Variants in CASP4 observed in about 807,000 individuals in gnomAD.
CASP4 encodes the protein caspase 4.
A neutral mutation model predicts 41.3 loss-of-function variants in CASP4; 29 were observed. The ratio of observed to expected loss-of-function variants is 0.70; its 90% CI spans 0.52 to 0.96. CASP4 has a LOEUF of 0.96. Among genes scored for constraint, CASP4 ranks in the 40% least tolerant of loss-of-function variants. CASP4 has a pLI of 0.00. For synonymous variants in CASP4, 185 were observed against 158.4 expected (o/e 1.17, Z -1.26); for missense variants, 447 against 460.6 (o/e 0.97, Z 0.27).
chr11:104,955,542 T>A (rs958281432), intron 1 of CASP4, among the ~76,000 whole-genome samples: 7 of 147,672 alleles, frequency 4.7e-5, no homozygotes, highest in African/African-American at 1.7e-4. Flanking sequence ...TGTTTAAAAG[T>A]ACTTAATATG....
At chr11:104,953,606 G>A (rs1860666721) in intron 2 of CASP4, among the ~76,000 whole-genome samples, 1 of 152,132 alleles carries the variant, frequency 6.6e-6, no homozygotes, top group South Asian at 2.1e-4. Context: ...CCTGTTGGTA[G>A]GAACACCCCT....
intron 1 of CASP4, among the ~76,000 whole-genome samples, chr11:104,964,831 G>A (rs1860937474): frequency 6.6e-6 from 1 of 152,142 alleles, no homozygotes; most frequent in Admixed American, 6.5e-5. Flanking sequence ...GGCTGGGATT[G>A]GCTCTTAAAA....
intron 2 of CASP4, among the ~76,000 whole-genome samples, chr11:104,952,791 C>T (rs1860647203): frequency 6.6e-6 from 1 of 152,144 alleles, no homozygotes; most frequent in Admixed American, 6.6e-5. Flanking sequence ...TAAAGCCAGC[C>T]AGTCTGAGCT....
In CASP4 at chr11:104,948,647, A is replaced by C. The variant is rs1346602082; in HGVS notation, c.811T>G (p.Ser271Ala). 2 of 1,609,166 alleles carry C rather than the reference A, an allele frequency of 1.2e-6. No individual in the cohort carries two copies. Among genetic ancestry groups the C allele is most frequent in the South Asian group, 2.2e-5 (2 of 90,182 alleles). ...GAGGCCACTTCCAAGGATGCTGGAG[A>C]GTCTCTGACCCACAGTTCCCCACGG... ...ANRGELWVRD[S>A]PASLEVASSQ... Residue 271 changes from serine to alanine, a missense_variant, in exon 6 of 9, where the codon TCT becomes GCT. By Grantham distance (99) the Ser-to-Ala change is moderately conservative (BLOSUM62 1). Coordinates refer to ENST00000444739, the MANE Select transcript of CASP4 (RefSeq NM_001225.4).
chr11:104,958,699 G>A (rs909115248), intron 1 of CASP4, among the ~76,000 whole-genome samples: 1 of 152,068 alleles, frequency 6.6e-6, no homozygotes, highest in Non-Finnish European at 1.5e-5. Flanking sequence ...AGTGGCTCAC[G>A]ACTGTAATCC....
At chr11:104,949,881 C>T (rs554939996) in intron 4 of CASP4, 104 bp from the exon 5 acceptor site, 10 of 1,061,500 alleles carry the variant, frequency 9.4e-6, no homozygotes, top group African/African-American at 7.8e-5. Flanking sequence ...ACATCCAGGT[C>T]GTGGTGCTTC....
chr11:104,953,688 T>C (rs1318113062), intron 2 of CASP4, among the ~76,000 whole-genome samples: 1 of 152,160 alleles, frequency 6.6e-6, no homozygotes, highest in Non-Finnish European at 1.5e-5. Flanking sequence ...TATTTCCTTT[T>C]GTTTATCACT....
chr11:104,964,977 A>G (rs1860941245), intron 1 of CASP4, among the ~76,000 whole-genome samples: 3 of 152,226 alleles, frequency 2.0e-5, no homozygotes, highest in Non-Finnish European at 4.4e-5. Flanking sequence ...ACTAAAGCTT[A>G]TTTTGGTAAA....
At chr11:104,951,832 G>A (rs746044702) in intron 3 of CASP4, 64 bp downstream of exon 3, 1 of 1,031,814 alleles carries the variant, frequency 9.7e-7, no homozygotes, top group South Asian at 1.3e-5. Flanking sequence ...GTAAGAAATG[G>A]TGCACTGAAG....
intron 2 of CASP4, among the ~76,000 whole-genome samples, chr11:104,953,736 C>T (rs564694894): frequency 1.3e-5 from 2 of 152,210 alleles, no homozygotes; most frequent in African/African-American, 2.4e-5. Flanking sequence ...CTTCATGGCT[C>T]AAGATTTCAG....
chr11:104,946,443 A>C (rs1021249520), intron 7 of CASP4, among the ~76,000 whole-genome samples: 1 of 152,218 alleles, frequency 6.6e-6, no homozygotes, highest in African/African-American at 2.4e-5. Context: ...ACACATAAAT[A>C]AACTATTAAT....
chr11:104,968,007 C>T (rs550682533), intron 1 of CASP4, among the ~76,000 whole-genome samples: 67 of 151,690 alleles, frequency 4.4e-4, no homozygotes, highest in African/African-American at 1.5e-3. Flanking sequence ...TGATATTAAC[C>T]CATGAAATAT....
rs1461369527 is a variant in CASP4 at position 104,950,955 on chromosome 11, A to G, written c.516T>C (p.Ser172=). Reference sequence around the variant, plus strand: ...CTGTCAGATTCTCTTCTACATCTACACTATAGTCCAGACCCTCAAGTAGCT... The same window carrying G: ...CTGTCAGATTCTCTTCTACATCTACGCTATAGTCCAGACCCTCAAGTAGCT... ...MKELLEGLDY[S]VDVEENLTAR... Residue 172 remains serine (S), a synonymous_variant, in exon 4 of 9, where the codon AGT becomes AGC. Coordinates refer to ENST00000444739, the MANE Select transcript of CASP4 (RefSeq NM_001225.4). 8.7e-6 allele frequency: 14 copies of G among 1,612,962 alleles called. No homozygotes were observed. The East Asian group carries it at 1.1e-4, about 13-fold the overall frequency.
intron 2 of CASP4, among the ~76,000 whole-genome samples, chr11:104,952,643 A>G (rs1860644330): frequency 6.6e-6 from 1 of 152,214 alleles, no homozygotes; most frequent in Non-Finnish European, 1.5e-5. Flanking sequence ...ATAAATACAT[A>G]CATACACCAA....
At chr11:104,947,257 G>T in intron 6 of CASP4, 65 bp from the exon 7 acceptor site, 3 of 1,001,174 alleles carry the variant, frequency 3.0e-6, no homozygotes, top group Non-Finnish European at 4.4e-6. Flanking sequence ...TCATATTTTT[G>T]TTTTGAGAAT....
intron 8 of CASP4, chr11:104,944,434 A>G (rs541570175): frequency 1.8e-5 from 5 of 273,036 alleles, no homozygotes; most frequent in South Asian, 1.8e-4. Context: ...TGAGAGATAA[A>G]TGAATATAAA....
At chr11:104,951,807 CA>C (rs1565365813) in intron 3 of CASP4, 88 bp downstream of exon 3, 1 of 849,762 alleles carries the variant, frequency 1.2e-6, no homozygotes, top group Non-Finnish European at 2.0e-6. Context: ...TCCCCACCCC[CA>C]ATCATTTAGT....
chr11:104,953,204 C>T lies in CASP4; in HGVS notation c.263-1199G>A, dbSNP rs984349871. Among the ~76,000 whole-genome samples, 3 of 152,208 alleles carry T rather than the reference C, an allele frequency of 2.0e-5. No individual in the cohort carries two copies. The South Asian group carries it at 6.2e-4, about 32-fold the overall frequency. The stretch of plus-strand genomic sequence containing the variant: ...TGCTGCCCAAAGAGAGCTGGATACA[C>T]TCTAGGTACACTGGCAGTGTACCTA... On this transcript the variant is annotated intron_variant, in intron 2 of 8. Transcript: ENST00000444739.
intron 8 of CASP4, chr11:104,943,898 T>G (rs766566688): frequency 1.9e-4 from 29 of 152,224 alleles, no homozygotes; most frequent in Non-Finnish European, 1.8e-4. Flanking sequence ...CATTTCACTA[T>G]AAAATATAAT....
Sources: allele counts gnomAD v4.1 joint callset (sites outside exome capture counted in the v4.1 genomes callset), GRCh38; gene constraint gnomAD v4.1.1; transcripts MANE v1.5; gene names NCBI Gene and HGNC (gene_info 2026-07-23, HGNC 2026-07-21).